Variants in ZIM2 observed in about 807,000 individuals in gnomAD.
ZIM2 encodes the protein zinc finger imprinted 2.
Under a neutral mutation model 38.6 loss-of-function variants are expected in ZIM2, and 14 were observed. That is an observed-to-expected ratio of 0.36 (90% CI 0.24 to 0.57). The LOEUF (loss-of-function observed/expected upper bound fraction) is 0.57. Ranked by LOEUF, ZIM2 falls within the 20% of genes least tolerant of loss-of-function variation. ZIM2 has a pLI of 0.81. For synonymous variants in ZIM2, 247 were observed against 245.8 expected (o/e 1.00, Z -0.04); for missense variants, 680 against 695.1 (o/e 0.98, Z 0.24).
chr19:56,808,074 T>C (rs2047842825), intron 9 of ZIM2, among the ~76,000 whole-genome samples: 3 of 152,134 alleles, frequency 2.0e-5, no homozygotes, highest in African/African-American at 7.2e-5. Context: ...ATTGCTCTAC[T>C]GAAAATTCAA....
rs768164524 is a variant in ZIM2, at chr19:56,782,141, A to C, written c.571-20T>G. On this transcript the variant is annotated intron_variant, in intron 10 of 12. Transcript: ENST00000629319. ...CGGGAACTATCCCAGAGAGAGGAGA[A>C]GGGACGTGATTAGAGAGGACTGAAC... 2 of 1,611,176 alleles carry C rather than the reference A, an allele frequency of 1.2e-6. No individual in the cohort carries two copies. The highest frequency in any genetic ancestry group is 8.5e-7 in the Non-Finnish European group (1 of 1,178,108).
intron 7 of ZIM2, among the ~76,000 whole-genome samples, chr19:56,819,793 G>C (rs563587754): frequency 6.6e-6 from 1 of 152,252 alleles, no homozygotes; most frequent in Admixed American, 6.5e-5. Flanking sequence ...CAAATGTCTT[G>C]ATATTAAATC....
intron 9 of ZIM2, among the ~76,000 whole-genome samples, chr19:56,800,434 G>A (rs2047462070): frequency 6.6e-6 from 1 of 152,056 alleles, no homozygotes; most frequent in Admixed American, 6.5e-5. Context: ...AACAGTTCAA[G>A]ATTTATTGCT....
intron 7 of ZIM2, among the ~76,000 whole-genome samples, chr19:56,820,175 G>A (rs1208877246): frequency 2.6e-5 from 4 of 152,212 alleles, no homozygotes; most frequent in African/African-American, 9.7e-5. Flanking sequence ...AAGAGATGCT[G>A]TTCTGAAAAC....
chr19:56,836,180 C>A, intron 1 of ZIM2, 76 bp from the exon 2 acceptor site: 1 of 408,034 alleles, frequency 2.5e-6, no homozygotes, highest in Non-Finnish European at 5.0e-6. Context: ...AACAATACCA[C>A]AACAGTTCCA....
chr19:56,817,203 C>T, intron 9 of ZIM2: 1 of 1,614,202 alleles, frequency 6.2e-7, no homozygotes, highest in Non-Finnish European at 8.5e-7. Flanking sequence ...CAAAGGGCTT[C>T]TTCCTGGGAC....
chr19:56,820,103 G>A (rs369470226), intron 7 of ZIM2, among the ~76,000 whole-genome samples: 28 of 152,162 alleles, frequency 1.8e-4, no homozygotes, highest in African/African-American at 5.6e-4. Flanking sequence ...TTGGTTGTTC[G>A]CTTTGTGTTT....
chr19:56,786,083 A>G (rs899472720), intron 10 of ZIM2, among the ~76,000 whole-genome samples: 10 of 152,106 alleles, frequency 6.6e-5, no homozygotes, highest in Non-Finnish European at 1.3e-4. Context: ...AACCACTAAC[A>G]TACTTTATGT....
chr19:56,806,710 AC>A (rs1425331324), intron 9 of ZIM2, among the ~76,000 whole-genome samples: 1 of 152,064 alleles, frequency 6.6e-6, no homozygotes, highest in Non-Finnish European at 1.5e-5. Context: ...CCCCAATCCA[AC>A]AGTACTAAGA....
chr19:56,779,884 A>G (rs2046235503), intron 11 of ZIM2, among the ~76,000 whole-genome samples: 1 of 152,148 alleles, frequency 6.6e-6, no homozygotes, highest in Non-Finnish European at 1.5e-5. Flanking sequence ...AAAAGTCAAC[A>G]TTATGGTTCT....
At chr19:56,802,502 G>GA (rs2047571035) in intron 9 of ZIM2, among the ~76,000 whole-genome samples, 1 of 152,106 alleles carries the variant, frequency 6.6e-6, no homozygotes, top group African/African-American at 2.4e-5. Flanking sequence ...AAATCAAATG[G>GA]AAAATACCAA....
chr19:56,807,447 C>T (rs2047812663), intron 9 of ZIM2, among the ~76,000 whole-genome samples: 1 of 152,120 alleles, frequency 6.6e-6, no homozygotes, highest in South Asian at 2.1e-4. Flanking sequence ...AGGATAGATT[C>T]CCTTGAAAAT....
intron 10 of ZIM2, among the ~76,000 whole-genome samples, chr19:56,785,341 T>C (rs970591642): frequency 6.6e-6 from 1 of 152,130 alleles, no homozygotes; most frequent in African/African-American, 2.4e-5. Context: ...GGAGCAGATA[T>C]TCTAGAACAG....
At chr19:56,784,349 G>A (rs2046482831) in intron 10 of ZIM2, among the ~76,000 whole-genome samples, 1 of 151,716 alleles carries the variant, frequency 6.6e-6, no homozygotes, top group South Asian at 2.1e-4. Context: ...TGAATATAAT[G>A]GATAATCAAT....
At chr19:56,792,660 G>A (rs142007283) in intron 9 of ZIM2, among the ~76,000 whole-genome samples, 2 of 152,004 alleles carry the variant, frequency 1.3e-5, no homozygotes, top group Non-Finnish European at 2.9e-5. Flanking sequence ...ATTCCAAAAG[G>A]GGGTAATGAG....
chr19:56,824,822 G>C (rs901127822), intron 3 of ZIM2: 2 of 635,056 alleles, frequency 3.1e-6, no homozygotes, highest in Non-Finnish European at 5.4e-6. Context: ...CAGAGGCATC[G>C]ACAATGCTTT....
chr19:56,818,733 A>G (rs1307931746), intron 7 of ZIM2, 31 bp from the exon 8 acceptor site: 1 of 1,597,732 alleles, frequency 6.3e-7, no homozygotes, highest in Non-Finnish European at 8.6e-7. Flanking sequence ...CTCTCAATGG[A>G]GTCTGTCCCC....
At chr19:56,833,455 T>G in intron 2 of ZIM2, 1 of 317,100 alleles carries the variant, frequency 3.2e-6, no homozygotes, top group Non-Finnish European at 6.2e-6. Flanking sequence ...AGCACGCACA[T>G]GGAGTAAGAT....
At chr19:56,824,177 G>T in intron 4 of ZIM2, 85 bp downstream of exon 4, 1 of 1,550,780 alleles carries the variant, frequency 6.4e-7, no homozygotes, top group South Asian at 1.2e-5. Flanking sequence ...ATCCAGTCCA[G>T]ACCATGTCAG....
Sources: gnomAD v4.1 joint callset for allele counts (sites outside exome capture counted in the v4.1 genomes callset) on GRCh38, gnomAD v4.1.1 for gene constraint, MANE v1.5 for transcripts, NCBI Gene and HGNC (gene_info 2026-07-23, HGNC 2026-07-21) for gene names.